The following TEAD1 variants were observed in gnomAD, a reference collection of about 807,000 sequenced individuals.
TEAD1 encodes the protein TEA domain transcription factor 1.
In TEAD1, 9 loss-of-function variants were observed where a neutral mutation model predicts 54.9. That is an observed-to-expected ratio of 0.16 (90% CI 0.10 to 0.29). The LOEUF (loss-of-function observed/expected upper bound fraction) is 0.29. Ranked by LOEUF, TEAD1 falls within the 10% of genes least tolerant of loss-of-function variation. TEAD1 has a pLI of 1.00. For synonymous variants in TEAD1, 200 were observed against 187.8 expected (o/e 1.07, Z -0.53); for missense variants, 387 against 535.9 (o/e 0.72, Z 2.74).
intron 2 of TEAD1, among the ~76,000 whole-genome samples, chr11:12,680,770 A>G (rs1231790521): frequency 6.6e-6 from 1 of 152,250 alleles, no homozygotes; most frequent in Non-Finnish European, 1.5e-5. Context: ...ATGTAAACAC[A>G]GTAGCTGCCC....
At chr11:12,709,154 A>G (rs1943880724) in intron 2 of TEAD1, among the ~76,000 whole-genome samples, 1 of 152,148 alleles carries the variant, frequency 6.6e-6, no homozygotes, top group African/African-American at 2.4e-5. Flanking sequence ...CCTGACCAAC[A>G]TGGTGAAACC....
intron 11 of TEAD1, among the ~76,000 whole-genome samples, chr11:12,927,085 C>G (rs16911782): frequency 6.6e-6 from 1 of 152,142 alleles, no homozygotes; most frequent in Non-Finnish European, 1.5e-5. Flanking sequence ...TGTCCTCAGA[C>G]GATACACCCA....
intron 2 of TEAD1, among the ~76,000 whole-genome samples, chr11:12,698,862 A>T (rs1467856205): frequency 6.6e-6 from 1 of 152,172 alleles, no homozygotes; most frequent in Non-Finnish European, 1.5e-5. Flanking sequence ...TAGCTGGGGT[A>T]ATTTCACATA....
chr11:12,840,593 G>A (rs960917030), intron 3 of TEAD1, among the ~76,000 whole-genome samples: 6 of 152,072 alleles, frequency 3.9e-5, no homozygotes, highest in African/African-American at 1.2e-4. Flanking sequence ...TCTGGGGTTC[G>A]GCTGTGTGCT....
chr11:12,878,776 C>T, intron 5 of TEAD1: 1 of 536,592 alleles, frequency 1.9e-6, no homozygotes, highest in Non-Finnish European at 2.8e-6. Context: ...TGTTTGTGTA[C>T]ATATATACAT....
chr11:12,813,367 G>A (rs1946346846), intron 3 of TEAD1, among the ~76,000 whole-genome samples: 1 of 152,184 alleles, frequency 6.6e-6, no homozygotes, highest in African/African-American at 2.4e-5. Context: ...CAAATTAGGG[G>A]ATCGCCGGGA....
At chr11:12,720,350 T>C (rs61879851) in intron 2 of TEAD1, among the ~76,000 whole-genome samples, 13 of 152,286 alleles carry the variant, frequency 8.5e-5, no homozygotes, top group South Asian at 2.1e-4. Flanking sequence ...GCAGAACATA[T>C]AGATACATAG....
At chr11:12,702,865 T>C (rs1199289679) in intron 2 of TEAD1, among the ~76,000 whole-genome samples, 2 of 152,222 alleles carry the variant, frequency 1.3e-5, no homozygotes, top group Non-Finnish European at 2.9e-5. Flanking sequence ...ACTGTTCTTA[T>C]TGCTTTGTGA....
intron 3 of TEAD1, among the ~76,000 whole-genome samples, chr11:12,792,756 C>T (rs964124434): frequency 1.3e-5 from 2 of 152,102 alleles, no homozygotes; most frequent in Admixed American, 6.5e-5. Context: ...GGGCCAGGTC[C>T]CAAAATGTTA....
intron 10 of TEAD1, among the ~76,000 whole-genome samples, chr11:12,918,914 A>G (rs1029773983): frequency 3.3e-5 from 5 of 152,230 alleles, no homozygotes; most frequent in African/African-American, 4.8e-5. Flanking sequence ...CTTAAAGTTC[A>G]GAAACCAGAC....
At chr11:12,740,691 C>T (rs1944632832) in intron 2 of TEAD1, among the ~76,000 whole-genome samples, 1 of 152,130 alleles carries the variant, frequency 6.6e-6, no homozygotes, top group African/African-American at 2.4e-5. Flanking sequence ...AGAACTCATT[C>T]ACTATCACAA....
At chr11:12,932,986 A>G (rs1383199171) in intron 12 of TEAD1, among the ~76,000 whole-genome samples, 3 of 152,200 alleles carry the variant, frequency 2.0e-5, no homozygotes, top group Admixed American at 2.0e-4. Flanking sequence ...CAGTACAGTA[A>G]CATGCTATAC....
In TEAD1 at chr11:12,938,248, A is replaced by G. The variant is rs1329185666; in HGVS notation, c.*1026A>G. On this transcript the variant is annotated 3_prime_UTR_variant, in exon 13 of 13. Transcript: ENST00000527636. ...CTGCACTGTGAGATGCAAAGTATAC[A>G]GAATCTGTGGCTGGGAGAAAATTTC... 9 of 152,660 alleles carry G rather than the reference A, an allele frequency of 5.9e-5. No individual in the cohort carries two copies. The highest frequency in any genetic ancestry group is 1.5e-5 in the Non-Finnish European group (1 of 68,042). 9.5% of individuals were successfully genotyped at this position (152,660 alleles called of 1,614,324 possible).
At position 12,823,951 on chromosome 11, in the gene TEAD1, A is replaced by G. The variant is rs114445108; in HGVS notation, c.203-38299A>G. ...AAGGCTCACCTACCCTACCCCAGGG[A>G]GACATTTATTCTAATTTTGGGGGAG... On this transcript the variant is annotated intron_variant, in intron 3 of 12. Transcript: ENST00000527636. Among the ~76,000 whole-genome samples the G allele has an allele frequency of 7.0e-3, 1,059 of 152,260 alleles. 15 individuals are homozygous for G. Among genetic ancestry groups the G allele is most frequent in the African/African-American group, 0.023 (963 of 41,536 alleles).
chr11:12,894,300 G>A (rs953613527), intron 9 of TEAD1, among the ~76,000 whole-genome samples: 5 of 152,098 alleles, frequency 3.3e-5, no homozygotes, highest in African/African-American at 9.7e-5. Context: ...GTGTCTGAGG[G>A]CACCTCGCAG....
At chr11:12,831,225 C>G (rs1946773508) in intron 3 of TEAD1, among the ~76,000 whole-genome samples, 1 of 152,198 alleles carries the variant, frequency 6.6e-6, no homozygotes. Flanking sequence ...CTGTCTAAAT[C>G]TTACCCTTCT....
In TEAD1 at chr11:12,857,578, C is replaced by CTGTGTGTGTGTGTGTGTG. The variant is rs10694132; in HGVS notation, c.203-4654_203-4637dup. On this transcript the variant is annotated intron_variant, in intron 3 of 12. Coordinates refer to ENST00000527636, the MANE Select transcript of TEAD1 (RefSeq NM_021961.6). The stretch of plus-strand genomic sequence containing the variant: ...ATCAAGCATCTCTCTCTCTCTGTCT[C>CTGTGTGTGTGTGTGTGTG]TGTGTGTGTGTGTGTGTGTGTGTGT... Among the ~76,000 whole-genome samples, 1,024 of 145,816 alleles carry CTGTGTGTGTGTGTGTGTG rather than the reference C, an allele frequency of 7.0e-3. 12 individuals carry two copies. The highest frequency in any genetic ancestry group is 0.024 in the African/African-American group (946 of 38,784).
chr11:12,790,118 CA>C (rs1248951543), intron 3 of TEAD1, among the ~76,000 whole-genome samples: 1 of 152,364 alleles, frequency 6.6e-6, no homozygotes, highest in Non-Finnish European at 1.5e-5. Context: ...ACTGAGGCAC[CA>C]GCCCCAAACT....
intron 2 of TEAD1, among the ~76,000 whole-genome samples, chr11:12,683,335 TC>T: frequency 6.6e-6 from 1 of 152,348 alleles, no homozygotes; most frequent in East Asian, 1.9e-4. Context: ...GCATCTCTAG[TC>T]CTAAGGATCT....
Sources: gnomAD v4.1 joint callset for allele counts (sites outside exome capture counted in the v4.1 genomes callset) on GRCh38, gnomAD v4.1.1 for gene constraint, MANE v1.5 for transcripts, NCBI Gene and HGNC (gene_info 2026-07-23, HGNC 2026-07-21) for gene names.